The following CACNB4 variants were observed in gnomAD, a reference collection of about 807,000 sequenced individuals.
The protein encoded by CACNB4 is voltage-dependent L-type calcium channel subunit beta-4.
Under a neutral mutation model 71.2 loss-of-function variants are expected in CACNB4, and 32 were observed. The ratio of observed to expected loss-of-function variants is 0.45; its 90% CI spans 0.34 to 0.60. CACNB4 has a LOEUF of 0.60. Among genes scored for constraint, CACNB4 ranks in the 20% least tolerant of loss-of-function variants. The pLI, the probability that CACNB4 is intolerant of heterozygous loss-of-function variation, is 0.01. For missense variants in CACNB4, 464 were observed against 647.9 expected (o/e 0.72, Z 3.08); for synonymous variants, 231 against 236.9 (o/e 0.97, Z 0.23).
intron 2 of CACNB4, among the ~76,000 whole-genome samples, chr2:152,053,814 C>T (rs1685578657): frequency 6.6e-6 from 1 of 152,140 alleles, no homozygotes. Context: ...CATGAGCCAT[C>T]ACACCTGGCC....
chr2:151,865,784 C>CTTTCTTTCTTTCTTTCT (rs139662383), intron 9 of CACNB4: 2 of 144,162 alleles, frequency 1.4e-5, no homozygotes, highest in African/African-American at 5.1e-5. Flanking sequence ...TTCTTTCTTT[C>CTTTCTTTCTTTCTTTCT]TTTTTTTTTT....
intron 2 of CACNB4, chr2:151,968,468 G>A (rs1295671713): frequency 6.6e-6 from 1 of 152,156 alleles, no homozygotes; most frequent in Non-Finnish European, 1.5e-5. Flanking sequence ...GAGAATGAAC[G>A]ATGATAACCA....
chr2:151,933,652 C>A (rs531445897), intron 2 of CACNB4, among the ~76,000 whole-genome samples: 1 of 152,172 alleles, frequency 6.6e-6, no homozygotes, highest in Admixed American at 6.5e-5. Flanking sequence ...CAGGCTCCCC[C>A]TCACAGGCCC....
At chr2:151,952,346 T>C (rs1283289745) in intron 2 of CACNB4, among the ~76,000 whole-genome samples, 3 of 152,170 alleles carry the variant, frequency 2.0e-5, no homozygotes, top group African/African-American at 7.2e-5. Context: ...CTGAGGGTTA[T>C]TATTTCTGCA....
At chr2:151,923,635 C>T (rs1176885965) in intron 2 of CACNB4, among the ~76,000 whole-genome samples, 1 of 152,186 alleles carries the variant, frequency 6.6e-6, no homozygotes, top group Admixed American at 6.5e-5. Flanking sequence ...GACTGGCCTA[C>T]AGAATTCTAA....
chr2:152,098,398 T>C lies in CACNB4; in HGVS notation c.79A>G (p.Thr27Ala), dbSNP rs536767004. 1 of 1,613,490 alleles carries C rather than the reference T, an allele frequency of 6.2e-7. No individual in the cohort carries two copies. The highest frequency in any genetic ancestry group is 1.7e-5 in the Admixed American group (1 of 60,022). ...CTTTTCAACCTGCTCCTCCGGGTTG[T>C]GGTGCCTCGGGCCACCTGGACTCGA... ...SPTSQVARGTTTRRSRLKRSD... is the reference protein window; with the variant it reads ...SPTSQVARGTATRRSRLKRSD... The change falls in exon 2 of 14, where the codon ACA becomes GCA. Residue 27 changes from threonine to alanine, a missense_variant. Physicochemically the swap from Thr to Ala is moderately conservative, Grantham distance 58. Around this residue, in one of 3 missense-constraint regions of CACNB4, gnomAD observed 50 missense variants for 47.5 expected, o/e 1.05. Transcript: ENST00000539935. This position sits in a 1 kb window ranked among gnomAD's most constrained non-coding sequence, Gnocchi z 5.3.
intron 2 of CACNB4, among the ~76,000 whole-genome samples, chr2:152,074,640 T>C: frequency 1.2e-5 from 1 of 86,050 alleles, no homozygotes; most frequent in Non-Finnish European, 2.3e-5. Context: ...CATTACCACC[T>C]CTATCATCAC....
chr2:151,952,826 T>A (rs1389883914), intron 2 of CACNB4, among the ~76,000 whole-genome samples: 1 of 152,188 alleles, frequency 6.6e-6, no homozygotes, highest in Non-Finnish European at 1.5e-5. Context: ...TCAAAAACAT[T>A]TGAAACACTT....
intron 2 of CACNB4, among the ~76,000 whole-genome samples, chr2:152,039,807 G>A (rs371253745): frequency 1.3e-4 from 20 of 152,174 alleles, no homozygotes; most frequent in East Asian, 9.6e-4. Flanking sequence ...AAACATAGTC[G>A]AAGGCATGAA....
intron 2 of CACNB4, among the ~76,000 whole-genome samples, chr2:151,986,007 G>A (rs1427309818): frequency 2.6e-5 from 4 of 152,134 alleles, no homozygotes; most frequent in Non-Finnish European, 4.4e-5. Flanking sequence ...TGAATGAGAC[G>A]ACTGAGCTAA....
At chr2:152,045,350 A>G (rs1457887812) in intron 2 of CACNB4, among the ~76,000 whole-genome samples, 2 of 152,222 alleles carry the variant, frequency 1.3e-5, no homozygotes, top group Non-Finnish European at 2.9e-5. Flanking sequence ...CTTAAAAAGG[A>G]AGGAAATCCT....
At chr2:152,038,846 T>C (rs528810125) in intron 2 of CACNB4, among the ~76,000 whole-genome samples, 2 of 152,134 alleles carry the variant, frequency 1.3e-5, no homozygotes, top group East Asian at 3.9e-4. Context: ...CCCAGGACAC[T>C]CTGGACAGGA....
rs148685155 is a variant in CACNB4, at chr2:151,978,457, C to T, written c.148-95087G>A. On this transcript the variant is annotated intron_variant, in intron 2 of 13. Transcript: ENST00000539935. ...TACCATGAAGCAAAGTGCTTATGAG[C>T]AGGGACCCTGGAGCCAGACTGCCTG... 2.9e-4 allele frequency among the ~76,000 whole-genome samples: 44 copies of T among 152,224 alleles called. No individual in the cohort carries two copies. In the East Asian group the frequency reaches 6.6e-3, roughly 23 times the overall value.
chr2:151,987,226 T>C (rs1276251972), intron 2 of CACNB4, among the ~76,000 whole-genome samples: 1 of 152,212 alleles, frequency 6.6e-6, no homozygotes, highest in Non-Finnish European at 1.5e-5. Context: ...GAGCTCTTGG[T>C]ACAAATTAAT....
chr2:151,993,062 T>C (rs74940862), intron 2 of CACNB4, among the ~76,000 whole-genome samples: 2,173 of 152,082 alleles, frequency 0.014, 50 homozygotes, highest in African/African-American at 0.048. Context: ...GGTTCTCAGC[T>C]CTGGTGTCTT....
intron 2 of CACNB4, among the ~76,000 whole-genome samples, chr2:152,061,211 C>G (rs995676158): frequency 1.3e-5 from 2 of 152,004 alleles, no homozygotes; most frequent in African/African-American, 4.8e-5. Flanking sequence ...ACTCGGGAGG[C>G]TAGGGTAGAA....
chr2:152,027,145 C>T (rs374694033), intron 2 of CACNB4, among the ~76,000 whole-genome samples: 9 of 152,104 alleles, frequency 5.9e-5, no homozygotes, highest in African/African-American at 2.2e-4. Context: ...TCAGGTGGTC[C>T]GCCCACCTCA....
intron 10 of CACNB4, 100 bp from the exon 11 acceptor site, chr2:151,855,475 A>C (rs2099840049): frequency 1.2e-6 from 1 of 864,094 alleles, no homozygotes; most frequent in Non-Finnish European, 1.7e-6. Context: ...TCTACATTAC[A>C]AAATAAAACA....
chr2:152,000,788 C>T (rs1682348243), intron 2 of CACNB4, among the ~76,000 whole-genome samples: 1 of 152,204 alleles, frequency 6.6e-6, no homozygotes, highest in Admixed American at 6.5e-5. Flanking sequence ...CACTCACACG[C>T]CCCTGACCTC....
Sources: allele counts gnomAD v4.1 joint callset (sites outside exome capture counted in the v4.1 genomes callset), GRCh38; gene constraint gnomAD v4.1.1; regional missense constraint gnomAD v4.1.1; non-coding constraint Gnocchi (gnomAD v3.1); transcripts MANE v1.5; gene names NCBI Gene and HGNC (gene_info 2026-07-23, HGNC 2026-07-21).